Variants in PLEKHG4B observed in about 807,000 individuals in gnomAD.
The protein encoded by PLEKHG4B is pleckstrin homology domain-containing family G member 4B.
Under a neutral mutation model 121.3 loss-of-function variants are expected in PLEKHG4B, and 111 were observed. The ratio of observed to expected loss-of-function variants is 0.92; its 90% CI spans 0.78 to 1.07. The LOEUF is 1.07. Ranked by LOEUF, PLEKHG4B falls within the 50% of genes least tolerant of loss-of-function variation. PLEKHG4B has a pLI of 0.00. For missense variants in PLEKHG4B, 1,831 were observed against 1,757.8 expected, an observed-to-expected ratio of 1.04 and a Z score of -0.74; for synonymous variants, 738 against 725.0, an observed-to-expected ratio of 1.02 and a Z score of -0.29.
chr5:182,748 G>A lies in PLEKHG4B; in HGVS notation c.*425G>A. 5.1e-6 allele frequency: 1 copy of A among 195,434 alleles called. No individual in the cohort carries two copies. Among genetic ancestry groups the A allele is most frequent in the South Asian group, 9.8e-5 (1 of 10,160 alleles). The allele number at this position is 195,434 out of a possible 1,614,324, so 12.1% of individuals were successfully genotyped here. On this transcript the variant is annotated 3_prime_UTR_variant, in exon 20 of 20. Coordinates refer to ENST00000637938, the MANE Select transcript of PLEKHG4B (RefSeq NM_052909.5). The stretch of plus-strand genomic sequence containing the variant: ...TTTGCAGGCCTCAGTGCAGGGAGGG[G>A]CCCAGGAAGAGCCCAGCAGCCTCCG...
intron 2 of PLEKHG4B, among the ~76,000 whole-genome samples, chr5:130,805 A>G (rs1002958912): frequency 6.6e-6 from 1 of 152,246 alleles, no homozygotes; most frequent in Non-Finnish European, 1.5e-5. Flanking sequence ...CAGCTTTCTC[A>G]GGACTGGAAC....
In PLEKHG4B at chr5:151,577, C is replaced by T; in HGVS notation, c.1970C>T (p.Pro657Leu). 1 of 1,589,366 alleles carries T rather than the reference C, an allele frequency of 6.3e-7. No homozygotes were observed. The highest frequency in any genetic ancestry group is 8.6e-7 in the Non-Finnish European group (1 of 1,159,016). ...GTAGATAAAGAATCTGCATTTAGGC[C>T]TGACAAGGATGCAATAATTCAGGTA... ...LLVDKESAFR[P>L]DKDAIIQCEV... is the part of the protein sequence containing the mutation. The change falls in exon 7 of 20, where the codon CCT (proline) becomes CTT (leucine). Residue 657 changes from proline to leucine, a missense_variant. Physicochemically the swap from Pro to Leu is moderately conservative, Grantham distance 98. Coordinates refer to ENST00000637938, the MANE Select transcript of PLEKHG4B (RefSeq NM_052909.5).
Position 163,039 on chromosome 5 carries a change from G to A in PLEKHG4B, c.2967G>A (p.Lys989=). 1 of 1,560,982 alleles carries A rather than the reference G, an allele frequency of 6.4e-7. No homozygotes were observed. The highest frequency in any genetic ancestry group is 8.7e-7 in the Non-Finnish European group (1 of 1,152,444). Residue 989 remains lysine, a synonymous_variant, in exon 13 of 20, where the codon AAG becomes AAA. Transcript: ENST00000637938. ...RAQEAMRRHQ[K]PPSFPSTDSG... ...AGGAGGCCATGAGGAGGCACCAGAA[G>A]CCACCCTCATTCCCCAGCACGGACA...
At chr5:94,347 G>A (rs929674537) in intron 1 of PLEKHG4B, among the ~76,000 whole-genome samples, 1 of 152,240 alleles carries the variant, frequency 6.6e-6, no homozygotes, top group Non-Finnish European at 1.5e-5. Context: ...CAGGTGCCAC[G>A]TGTGTGGTGA....
chr5:138,719 G>A (rs1432117740), intron 2 of PLEKHG4B, among the ~76,000 whole-genome samples: 2 of 152,212 alleles, frequency 1.3e-5, no homozygotes, highest in South Asian at 2.1e-4. Flanking sequence ...CTTGAACTTG[G>A]TGTAAGATTC....
In PLEKHG4B at chr5:188,437, G is replaced by A. The variant is rs1733689596; in HGVS notation, c.*6114G>A. 6.6e-6 allele frequency: 1 copy of A among 152,250 alleles called. No individual in the cohort carries two copies. The highest frequency in any genetic ancestry group is 2.1e-4 in the South Asian group (1 of 4,832). The allele number at this position is 152,250 out of a possible 1,614,324, so 9.4% of individuals were successfully genotyped here. A position where few individuals can be genotyped will look rare whatever the true frequency, so the allele number is the denominator to read the frequency against. On this transcript the variant is annotated 3_prime_UTR_variant, in exon 20 of 20. Coordinates refer to ENST00000637938, the MANE Select transcript of PLEKHG4B (RefSeq NM_052909.5). ...CCATCCCTGGGGGATTAGCACCTTG[G>A]CTGAGCCCGAACTGACCACCTGGGG...
intron 2 of PLEKHG4B, among the ~76,000 whole-genome samples, chr5:116,688 T>C (rs1213658607): frequency 6.6e-6 from 1 of 152,232 alleles, no homozygotes; most frequent in Non-Finnish European, 1.5e-5. Context: ...AGCACAGCCT[T>C]TCTTAACAGC....
Position 157,223 on chromosome 5 carries a change from T to C in PLEKHG4B, c.2487+312T>C, listed in dbSNP as rs951795911. ...ATAGCTGGGTGTATCTTCCGGACGC[T>C]TTCTCCATGTGCATGCGTACACAGT... On this transcript the variant is annotated intron_variant, in intron 11 of 19. Coordinates refer to ENST00000637938, the MANE Select transcript of PLEKHG4B (RefSeq NM_052909.5). This position sits in a 1 kb window ranked among gnomAD's most constrained non-coding sequence, Gnocchi z 4.6. 3 of 391,134 alleles carry C rather than the reference T, an allele frequency of 7.7e-6. No homozygotes were observed. The highest frequency in any genetic ancestry group is 6.0e-5 in the East Asian group (1 of 16,654). 24.2% of individuals were successfully genotyped at this position (391,134 alleles called of 1,614,324 possible).
At chr5:97,757 A>G (rs1290809341) in intron 1 of PLEKHG4B, among the ~76,000 whole-genome samples, 1 of 152,036 alleles carries the variant, frequency 6.6e-6, no homozygotes, top group Non-Finnish European at 1.5e-5. Flanking sequence ...ATGTGTTTAC[A>G]AGTTTTGTGT....
intron 7 of PLEKHG4B, among the ~76,000 whole-genome samples, chr5:151,883 T>C (rs1735616123): frequency 6.6e-6 from 1 of 152,224 alleles, no homozygotes; most frequent in Non-Finnish European, 1.5e-5. Flanking sequence ...TTGGCCTCAT[T>C]CTGAAAGGGT....
chr5:181,412 C>T (rs1733359701), intron 18 of PLEKHG4B, 102 bp from the exon 19 acceptor site: 3 of 1,280,172 alleles, frequency 2.3e-6, no homozygotes, highest in Admixed American at 2.1e-5. Context: ...ACCCTGTACA[C>T]CCTCCTGGTT....
intron 16 of PLEKHG4B, 48 bp downstream of exon 16, chr5:171,492 G>A: frequency 6.7e-7 from 1 of 1,488,680 alleles, no homozygotes; most frequent in Non-Finnish European, 9.0e-7. Flanking sequence ...GGGAATTTGA[G>A]GCTGCTGGTG....
chr5:169,220 T>G, intron 13 of PLEKHG4B, 120 bp from the exon 14 acceptor site: 1 of 1,382,398 alleles, frequency 7.2e-7, no homozygotes, highest in Non-Finnish European at 9.9e-7. Flanking sequence ...GTGCCTCCAG[T>G]CCACATGTGA....
At chr5:166,039 A>G (rs1458047640) in intron 13 of PLEKHG4B, among the ~76,000 whole-genome samples, 5 of 2,152 alleles carry the variant, frequency 2.3e-3, no homozygotes, top group Admixed American at 2.4e-3. Flanking sequence ...CTGACGGGGC[A>G]GGGCTCACAC....
Position 171,117 on chromosome 5 carries a change from C to A in PLEKHG4B, c.3804C>A (p.Gly1268=), listed in dbSNP as rs770059613. The A allele has an allele frequency of 6.2e-7, 1 of 1,613,264 alleles. No homozygotes were observed. Among genetic ancestry groups the A allele is most frequent in the Non-Finnish European group, 8.5e-7 (1 of 1,179,720 alleles). The change falls in exon 15 of 20, where the codon GGC becomes GGA. Residue 1268 remains glycine, a synonymous_variant. Coordinates refer to ENST00000637938, the MANE Select transcript of PLEKHG4B (RefSeq NM_052909.5). ...PQSDALLSSH[G]NAFFKDKQRE... ...CGGATGCCCTGCTCAGCAGCCATGG[C>A]AACGCCTTCTTCAAGGTCATCCCCC...
At chr5:94,420 C>G (rs1277113694) in intron 1 of PLEKHG4B, among the ~76,000 whole-genome samples, 1 of 149,446 alleles carries the variant, frequency 6.7e-6, no homozygotes, top group Admixed American at 6.6e-5. Context: ...GACCCGAGAC[C>G]CCAACGTGCT....
intron 2 of PLEKHG4B, among the ~76,000 whole-genome samples, chr5:130,589 C>A (rs1246619930): frequency 1.3e-5 from 2 of 152,210 alleles, no homozygotes; most frequent in African/African-American, 4.8e-5. Context: ...GGCTCCTGGA[C>A]AGCTTTGTGA....
intron 1 of PLEKHG4B, among the ~76,000 whole-genome samples, chr5:110,076 A>C (rs1485933953): frequency 6.6e-6 from 1 of 150,894 alleles, no homozygotes; most frequent in African/African-American, 2.4e-5. Flanking sequence ...ACAATCTGCA[A>C]CACACATGCA....
intron 7 of PLEKHG4B, 49 bp from the exon 8 acceptor site, chr5:154,826 C>T (rs1467306796): frequency 2.8e-6 from 4 of 1,426,524 alleles, no homozygotes; most frequent in Non-Finnish European, 4.0e-6. Flanking sequence ...GTGTTTGCCC[C>T]CAAGAGATGC....
Sources: allele counts gnomAD v4.1 joint callset (sites outside exome capture counted in the v4.1 genomes callset), GRCh38; gene constraint gnomAD v4.1.1; non-coding constraint Gnocchi (gnomAD v3.1); transcripts MANE v1.5; gene names NCBI Gene and HGNC (gene_info 2026-07-23, HGNC 2026-07-21).